DNAJC1: variants seen among roughly 807,000 people sequenced by gnomAD.
DNAJC1 encodes DnaJ heat shock protein family (Hsp40) member C1.
DNAJC1 carries 58 observed loss-of-function variants against 76.6 expected under a neutral mutation model. That is an observed-to-expected ratio of 0.76 (90% CI 0.61 to 0.94). DNAJC1 has a LOEUF of 0.94. Ranked by LOEUF, DNAJC1 falls within the 40% of genes least tolerant of loss-of-function variation. DNAJC1 has a pLI of 0.00. For missense variants in DNAJC1, 689 were observed against 677.3 expected (o/e 1.02, Z -0.19); for synonymous variants, 258 against 267.9 (o/e 0.96, Z 0.36).
intron 7 of DNAJC1, among the ~76,000 whole-genome samples, chr10:21,903,813 G>C (rs1245181614): frequency 6.6e-6 from 1 of 152,138 alleles, no homozygotes; most frequent in Non-Finnish European, 1.5e-5. Context: ...TCTACTGGGG[G>C]TGGGGGGTTG....
At chr10:21,835,253 T>G (rs1835431036) in intron 8 of DNAJC1, among the ~76,000 whole-genome samples, 1 of 152,144 alleles carries the variant, frequency 6.6e-6, no homozygotes, top group South Asian at 2.1e-4. Context: ...CCAACAGACC[T>G]GCAGCTGAGG....
intron 1 of DNAJC1, among the ~76,000 whole-genome samples, chr10:21,960,498 G>A (rs527965446): frequency 6.6e-6 from 1 of 152,260 alleles, no homozygotes; most frequent in South Asian, 2.1e-4. Context: ...CATTACTTGA[G>A]CCCAGGAGTT....
intron 6 of DNAJC1, among the ~76,000 whole-genome samples, chr10:21,908,747 T>A (rs1014948056): frequency 6.6e-6 from 1 of 152,142 alleles, no homozygotes; most frequent in South Asian, 2.1e-4. Flanking sequence ...TGCCTCATAA[T>A]ACTGTATTAA....
chr10:21,948,665 C>T (rs1189742681), intron 1 of DNAJC1, among the ~76,000 whole-genome samples: 1 of 152,100 alleles, frequency 6.6e-6, no homozygotes, highest in African/African-American at 2.4e-5. Flanking sequence ...TCCTGTTAAT[C>T]TTATTGTGCC....
chr10:21,766,857 C>A (rs900714555), intron 9 of DNAJC1, among the ~76,000 whole-genome samples: 8 of 151,394 alleles, frequency 5.3e-5, no homozygotes, highest in African/African-American at 1.9e-4. Flanking sequence ...GTAATCCCAG[C>A]TACTCGGGAG....
At chr10:21,857,666 T>C (rs1322384637) in intron 8 of DNAJC1, among the ~76,000 whole-genome samples, 1 of 152,108 alleles carries the variant, frequency 6.6e-6, no homozygotes. Context: ...ATAAAAGGTA[T>C]GTTTGTTGGT....
intron 1 of DNAJC1, among the ~76,000 whole-genome samples, chr10:21,940,379 T>C (rs1425497330): frequency 1.3e-5 from 2 of 152,196 alleles, no homozygotes; most frequent in African/African-American, 2.4e-5. Flanking sequence ...TTCAAATTTA[T>C]GTAAGATTAT....
intron 1 of DNAJC1, among the ~76,000 whole-genome samples, chr10:22,001,977 A>C (rs556488249): frequency 6.6e-6 from 1 of 152,320 alleles, no homozygotes; most frequent in Non-Finnish European, 1.5e-5. Context: ...TGCACATATG[A>C]ATCTGAAGTG....
intron 1 of DNAJC1, among the ~76,000 whole-genome samples, chr10:21,970,297 A>C (rs1837957522): frequency 6.6e-6 from 1 of 152,102 alleles, no homozygotes; most frequent in Non-Finnish European, 1.5e-5. Flanking sequence ...TGAATTATCT[A>C]ATAAATTAAT....
intron 6 of DNAJC1, among the ~76,000 whole-genome samples, chr10:21,910,437 G>A (rs1034392066): frequency 1.8e-4 from 28 of 152,142 alleles, no homozygotes; most frequent in African/African-American, 6.8e-4. Context: ...AGTTCATTAA[G>A]TGATAAGAGA....
chr10:21,845,030 C>A (rs529017269), intron 8 of DNAJC1, among the ~76,000 whole-genome samples: 1 of 152,250 alleles, frequency 6.6e-6, no homozygotes, highest in East Asian at 1.9e-4. Flanking sequence ...GAGTATGAGA[C>A]TCTGTCTCAA....
At chr10:21,986,830 C>T (rs771772632) in intron 1 of DNAJC1, among the ~76,000 whole-genome samples, 12 of 151,958 alleles carry the variant, frequency 7.9e-5, no homozygotes, top group Non-Finnish European at 1.5e-4. Context: ...TGCAATGGCG[C>T]GATCTCAGCT....
chr10:21,892,899 G>A (rs750137144), intron 7 of DNAJC1, among the ~76,000 whole-genome samples: 6 of 151,710 alleles, frequency 4.0e-5, no homozygotes, highest in Non-Finnish European at 5.9e-5. Context: ...AAAAACTGAC[G>A]GAACTGGAGA....
At chr10:21,828,052 T>A (rs1275903434) in intron 8 of DNAJC1, among the ~76,000 whole-genome samples, 1 of 152,218 alleles carries the variant, frequency 6.6e-6, no homozygotes, top group African/African-American at 2.4e-5. Context: ...TACTTCCCCA[T>A]CAGCGTCAAT....
chr10:21,873,201 G>A (rs575780509), intron 8 of DNAJC1, among the ~76,000 whole-genome samples: 5 of 152,250 alleles, frequency 3.3e-5, no homozygotes, highest in Non-Finnish European at 5.9e-5. Context: ...TGGGGAGCTC[G>A]GATTTTGGAG....
intron 8 of DNAJC1, among the ~76,000 whole-genome samples, chr10:21,851,281 TCAA>T (rs913197287): frequency 6.6e-6 from 1 of 151,982 alleles, no homozygotes; most frequent in Non-Finnish European, 1.5e-5. Flanking sequence ...TATAACAAAC[TCAA>T]CAACAAAAAG....
At chr10:21,894,743 C>A (rs897922446) in intron 7 of DNAJC1, among the ~76,000 whole-genome samples, 1 of 152,166 alleles carries the variant, frequency 6.6e-6, no homozygotes, top group Non-Finnish European at 1.5e-5. Context: ...AGAGGTGGAG[C>A]CTTTGGAAAG....
intron 8 of DNAJC1, among the ~76,000 whole-genome samples, chr10:21,851,242 A>G (rs1425321582): frequency 6.6e-6 from 1 of 152,250 alleles, no homozygotes; most frequent in Non-Finnish European, 1.5e-5. Context: ...TACAATTCGT[A>G]TATCTGATAA....
chr10:21,826,317 A>ACT (rs146019694), intron 8 of DNAJC1, among the ~76,000 whole-genome samples: 2,854 of 147,860 alleles, frequency 0.019, 100 homozygotes, highest in African/African-American at 0.066. Flanking sequence ...GTGCATTTTT[A>ACT]CTCTCTCTCT....
Sources: allele counts gnomAD v4.1 joint callset (sites outside exome capture counted in the v4.1 genomes callset), GRCh38; gene constraint gnomAD v4.1.1; transcripts MANE v1.5; gene names NCBI Gene and HGNC (gene_info 2026-07-23, HGNC 2026-07-21).